The following RICTOR variants were observed in gnomAD, a reference collection of about 807,000 sequenced individuals.
RICTOR encodes RPTOR independent companion of MTOR complex 2, also known as rapamycin-insensitive companion of mTOR.
RICTOR carries 49 observed loss-of-function variants against 214.9 expected under a neutral mutation model. That is an observed-to-expected ratio of 0.23 (90% CI 0.18 to 0.29). RICTOR has a LOEUF of 0.29. Among genes scored for constraint, RICTOR ranks in the 10% least tolerant of loss-of-function variants. RICTOR has a pLI of 1.00. For missense variants in RICTOR, 1,625 were observed against 2,047.0 expected, an observed-to-expected ratio of 0.79 and a Z score of 3.98; for synonymous variants, 717 against 711.3, an observed-to-expected ratio of 1.01 and a Z score of -0.13.
Position 38,946,559 on chromosome 5 carries a change from A to C in RICTOR, c.4315-7T>G, listed in dbSNP as rs1346034679. On this transcript the variant is annotated splice_region_variant and splice_polypyrimidine_tract_variant and intron_variant, in intron 32 of 37. Coordinates refer to ENST00000357387, the MANE Select transcript of RICTOR (RefSeq NM_152756.5). ...AATAGGGAATATCCTTTACCTAAAAAAAGATATAAACCATGGTAAGTCCTG... is the reference window on the plus strand; with the variant it reads ...AATAGGGAATATCCTTTACCTAAAACAAGATATAAACCATGGTAAGTCCTG... 6.5e-7 allele frequency: 1 copy of C among 1,547,656 alleles called. No individual in the cohort carries two copies. The highest frequency in any genetic ancestry group is 8.9e-7 in the Non-Finnish European group (1 of 1,119,794).
At chr5:39,013,983 A>G (rs1754746863) in intron 3 of RICTOR, among the ~76,000 whole-genome samples, 1 of 152,158 alleles carries the variant, frequency 6.6e-6, no homozygotes, top group South Asian at 2.1e-4. Context: ...TTATAATACT[A>G]TATTTTTACT....
At chr5:39,053,110 TTTCATAGTTTTTCTCCAATTTA>T (rs1277067634) in intron 2 of RICTOR, among the ~76,000 whole-genome samples, 1 of 152,212 alleles carries the variant, frequency 6.6e-6, no homozygotes, top group African/African-American at 2.4e-5. Flanking sequence ...AGCTAAATTT[TTTCATAGTTTTTCTCCAATTTA>T]TTTTAGGCTA....
chr5:38,991,171 C>A, intron 6 of RICTOR, 96 bp from the exon 7 acceptor site: 1 of 660,770 alleles, frequency 1.5e-6, no homozygotes, highest in Non-Finnish European at 2.4e-6. Flanking sequence ...AGAATAAGAT[C>A]CAGAATAAGA....
Position 38,942,141 on chromosome 5 carries a change from G to T in RICTOR, c.*163C>A. The T allele has an allele frequency of 2.3e-6, 1 of 425,846 alleles. No homozygotes were observed. Among genetic ancestry groups the T allele is most frequent in the Non-Finnish European group, 4.3e-6 (1 of 232,428 alleles). The allele number at this position is 425,846 out of a possible 1,614,324, so 26.4% of individuals were successfully genotyped here. A position where few individuals can be genotyped will look rare whatever the true frequency, so the allele number is the denominator to read the frequency against. The stretch of plus-strand genomic sequence containing the variant: ...GAGAGAAGGAAGTTGTTTTGGTTAG[G>T]AAAGTCAGCAGTTCCAACTGTTCAT... On this transcript the variant is annotated 3_prime_UTR_variant, in exon 38 of 38. Coordinates refer to ENST00000357387, the MANE Select transcript of RICTOR (RefSeq NM_152756.5).
At chr5:39,012,993 T>C (rs1754661362) in intron 3 of RICTOR, among the ~76,000 whole-genome samples, 2 of 152,158 alleles carry the variant, frequency 1.3e-5, no homozygotes, top group South Asian at 4.1e-4. Context: ...AAAGTGTTTA[T>C]CTGAGAATGA....
At chr5:38,969,764 G>T (rs995211588) in intron 11 of RICTOR, 1 of 151,354 alleles carries the variant, frequency 6.6e-6, no homozygotes, top group Non-Finnish European at 1.5e-5. Context: ...CGCCTCCCGG[G>T]TTCACACCAT....
intron 3 of RICTOR, among the ~76,000 whole-genome samples, chr5:39,010,645 G>T (rs971929100): frequency 6.6e-6 from 1 of 152,212 alleles, no homozygotes; most frequent in African/African-American, 2.4e-5. Flanking sequence ...TGAGGAACTT[G>T]TTGGGAACTG....
At chr5:39,009,251 A>G (rs889934871) in intron 3 of RICTOR, among the ~76,000 whole-genome samples, 1 of 152,144 alleles carries the variant, frequency 6.6e-6, no homozygotes, top group Non-Finnish European at 1.5e-5. Flanking sequence ...AGAGAACACA[A>G]TTTTCAAATT....
chr5:39,030,423 C>G (rs1192001019), intron 2 of RICTOR, among the ~76,000 whole-genome samples: 2 of 152,098 alleles, frequency 1.3e-5, no homozygotes, highest in Non-Finnish European at 2.9e-5. Context: ...ACGGTCACTT[C>G]AAGGATCCCT....
Position 38,941,203 on chromosome 5 carries a change from T to C in RICTOR, c.*1101A>G, listed in dbSNP as rs1747531663. Reference sequence around the variant, plus strand: ...CAATTAATATACTCATAAACCCACCTACCACTGCATTTAGTTTGTGCAAAA... The same window carrying C: ...CAATTAATATACTCATAAACCCACCCACCACTGCATTTAGTTTGTGCAAAA... On this transcript the variant is annotated 3_prime_UTR_variant, in exon 38 of 38. Coordinates refer to ENST00000357387, the MANE Select transcript of RICTOR (RefSeq NM_152756.5). 4.3e-6 allele frequency: 1 copy of C among 232,838 alleles called. No individual in the cohort carries two copies. The highest frequency in any genetic ancestry group is 8.5e-6 in the Non-Finnish European group (1 of 117,606). The allele number at this position is 232,838 out of a possible 1,614,324, so 14.4% of individuals were successfully genotyped here.
At chr5:38,954,303 T>G (rs1407749690) in intron 27 of RICTOR, among the ~76,000 whole-genome samples, 1 of 151,974 alleles carries the variant, frequency 6.6e-6, no homozygotes, top group East Asian at 1.9e-4. Context: ...ACTGCTTGCC[T>G]ATGCTTGTTA....
At chr5:38,952,133 T>A (rs1289718535) in intron 30 of RICTOR, 63 bp downstream of exon 30, 1 of 1,010,320 alleles carries the variant, frequency 9.9e-7, no homozygotes, top group Non-Finnish European at 1.5e-6. Flanking sequence ...ACATTTAAAT[T>A]CTAAAATTCA....
intron 2 of RICTOR, among the ~76,000 whole-genome samples, chr5:39,042,646 T>C (rs1757248147): frequency 6.6e-6 from 1 of 152,216 alleles, no homozygotes; most frequent in Non-Finnish European, 1.5e-5. Context: ...CACTTAATTG[T>C]ATAATTATTT....
chr5:38,966,764 A>C, intron 14 of RICTOR, 43 bp from the exon 15 acceptor site: 1 of 1,042,306 alleles, frequency 9.6e-7, no homozygotes, highest in Non-Finnish European at 1.4e-6. Context: ...AAAATAATAC[A>C]TATGAAAACA....
At chr5:38,949,486 C>T (rs1334367039) in intron 31 of RICTOR, 11 of 1,431,982 alleles carry the variant, frequency 7.7e-6, no homozygotes, top group Non-Finnish European at 1.0e-5. Context: ...CTTTGCAAAG[C>T]ATGTATGTTT....
At chr5:39,050,890 T>C (rs1561064290) in intron 2 of RICTOR, among the ~76,000 whole-genome samples, 4 of 152,184 alleles carry the variant, frequency 2.6e-5, no homozygotes, top group Admixed American at 2.6e-4. Context: ...ATTATGTGTA[T>C]GTTTGAAATT....
intron 7 of RICTOR, among the ~76,000 whole-genome samples, chr5:38,989,623 C>G (rs1412149499): frequency 1.3e-5 from 2 of 152,082 alleles, no homozygotes; most frequent in Admixed American, 6.5e-5. Flanking sequence ...GGGCTAATAT[C>G]CAGAATCTAC....
At chr5:39,027,424 A>G (rs1401223430) in intron 2 of RICTOR, among the ~76,000 whole-genome samples, 1 of 152,192 alleles carries the variant, frequency 6.6e-6, no homozygotes, top group Non-Finnish European at 1.5e-5. Flanking sequence ...GGCTGTGACT[A>G]GATTAAAATA....
intron 2 of RICTOR, among the ~76,000 whole-genome samples, chr5:39,033,807 A>C (rs574665867): frequency 6.6e-6 from 1 of 152,240 alleles, no homozygotes; most frequent in South Asian, 2.1e-4. Context: ...CATATAACAA[A>C]CCTGCACATG....
Sources: allele counts gnomAD v4.1 joint callset (sites outside exome capture counted in the v4.1 genomes callset), GRCh38; gene constraint gnomAD v4.1.1; transcripts MANE v1.5; gene names NCBI Gene and HGNC (gene_info 2026-07-23, HGNC 2026-07-21).